LRCH1: variants seen among roughly 807,000 people sequenced by gnomAD.
LRCH1 encodes leucine rich repeats and calponin homology domain containing 1, also known as leucine-rich repeat and calponin homology domain-containing protein 1.
LRCH1 carries 23 observed loss-of-function variants against 94.9 expected under a neutral mutation model. The ratio of observed to expected loss-of-function variants is 0.24; its 90% CI spans 0.17 to 0.34. LRCH1 has a LOEUF of 0.34. Among genes scored for constraint, LRCH1 ranks in the 10% least tolerant of loss-of-function variants. The pLI, the probability that LRCH1 is intolerant of heterozygous loss-of-function variation, is 1.00. For missense variants in LRCH1, 790 were observed against 945.9 expected (o/e 0.84, Z 2.16); for synonymous variants, 364 against 354.9 (o/e 1.03, Z -0.29).
At chr13:46,647,544 C>A (rs1343341694) in intron 1 of LRCH1, among the ~76,000 whole-genome samples, 1 of 152,162 alleles carries the variant, frequency 6.6e-6, no homozygotes, top group Non-Finnish European at 1.5e-5. Context: ...AATTGTAGAA[C>A]TTTCCATCCT....
At chr13:46,673,847 C>T (rs2051635540) in intron 3 of LRCH1, among the ~76,000 whole-genome samples, 1 of 149,980 alleles carries the variant, frequency 6.7e-6, no homozygotes, top group African/African-American at 2.5e-5. Context: ...GCGGCACAAT[C>T]TCTGCTCACT....
intron 2 of LRCH1, among the ~76,000 whole-genome samples, chr13:46,655,982 G>T (rs1179954426): frequency 6.6e-6 from 1 of 152,164 alleles, no homozygotes; most frequent in Admixed American, 6.5e-5. Flanking sequence ...AGAACAGGGC[G>T]GTCTCTTGAA....
intron 1 of LRCH1, among the ~76,000 whole-genome samples, chr13:46,631,879 A>G (rs1476252310): frequency 6.6e-6 from 1 of 152,084 alleles, no homozygotes; most frequent in Non-Finnish European, 1.5e-5. Context: ...AAGTGGGAAT[A>G]ATACTCCCAT....
At chr13:46,703,239 C>T (rs1047512940) in intron 11 of LRCH1, among the ~76,000 whole-genome samples, 14 of 152,218 alleles carry the variant, frequency 9.2e-5, no homozygotes, top group Admixed American at 8.5e-4. Flanking sequence ...TTCATTATAA[C>T]GAATCAGGAA....
intron 1 of LRCH1, among the ~76,000 whole-genome samples, chr13:46,619,219 C>T (rs975105960): frequency 6.6e-6 from 1 of 151,998 alleles, no homozygotes; most frequent in Non-Finnish European, 1.5e-5. Context: ...AAGTGATTCT[C>T]ATGCTTCAGC....
intron 1 of LRCH1, among the ~76,000 whole-genome samples, chr13:46,602,121 CCTT>C (rs2050634842): frequency 6.6e-6 from 1 of 152,136 alleles, no homozygotes; most frequent in South Asian, 2.1e-4. Context: ...AGCTTGGTAA[CCTT>C]GAGGAAACCA....
At chr13:46,750,956 A>G (rs916398351) in exon 19 of LRCH1, 3 of 211,024 alleles carry the variant, frequency 1.4e-5, no homozygotes, top group African/African-American at 6.9e-5. Flanking sequence ...TGCCATTACC[A>G]AAACGCCAAG....
chr13:46,689,093 CT>C, intron 6 of LRCH1, 39 bp from the exon 7 acceptor site: 1 of 1,482,736 alleles, frequency 6.7e-7, no homozygotes, highest in Non-Finnish European at 9.3e-7. Flanking sequence ...TGATTTTAAT[CT>C]TTTTTAAATG....
chr13:46,591,757 G>A (rs900903212), intron 1 of LRCH1, among the ~76,000 whole-genome samples: 6 of 152,302 alleles, frequency 3.9e-5, no homozygotes, highest in African/African-American at 1.2e-4. Flanking sequence ...AACCAATAAT[G>A]GTGTTTTGAA....
chr13:46,565,472 A>T (rs548984614), intron 1 of LRCH1, among the ~76,000 whole-genome samples: 3 of 152,162 alleles, frequency 2.0e-5, no homozygotes, highest in East Asian at 1.9e-4. Flanking sequence ...CTGGGTTTTC[A>T]TGCTGTTTTT....
chr13:46,703,804 A>T (rs1220355719), intron 11 of LRCH1, among the ~76,000 whole-genome samples: 1 of 152,148 alleles, frequency 6.6e-6, no homozygotes, highest in African/African-American at 2.4e-5. Context: ...TCCCAATTAT[A>T]TAGATAGAAT....
At chr13:46,639,535 G>A (rs946792924) in intron 1 of LRCH1, among the ~76,000 whole-genome samples, 2 of 152,204 alleles carry the variant, frequency 1.3e-5, no homozygotes, top group Non-Finnish European at 2.9e-5. Flanking sequence ...ATAATCATGT[G>A]ATTTAGTGAA....
At chr13:46,641,926 C>A (rs907891676) in intron 1 of LRCH1, among the ~76,000 whole-genome samples, 1 of 152,166 alleles carries the variant, frequency 6.6e-6, no homozygotes, top group African/African-American at 2.4e-5. Context: ...TCTGGCTGCT[C>A]GGCTTTCATG....
chr13:46,558,600 C>CAAAAAAAAAAAAAAAAAA (rs2050094947), intron 1 of LRCH1, among the ~76,000 whole-genome samples: 1 of 63,966 alleles, frequency 1.6e-5, no homozygotes, highest in Non-Finnish European at 3.1e-5. Context: ...AAAAAAAAAG[C>CAAAAAAAAAAAAAAAAAA]TGGGTTCCTG....
intron 1 of LRCH1, among the ~76,000 whole-genome samples, chr13:46,616,420 C>G (rs984876698): frequency 6.6e-6 from 1 of 152,170 alleles, no homozygotes. Flanking sequence ...ACAGCACCCC[C>G]AACCCAGTCT....
chr13:46,655,830 T>G (rs1198344652), intron 2 of LRCH1, among the ~76,000 whole-genome samples: 1 of 152,218 alleles, frequency 6.6e-6, no homozygotes, highest in Non-Finnish European at 1.5e-5. Flanking sequence ...CTGTATAGTA[T>G]TTGATCATAT....
chr13:46,740,431 C>G (rs1873593826), intron 19 of LRCH1, among the ~76,000 whole-genome samples: 1 of 152,154 alleles, frequency 6.6e-6, no homozygotes, highest in Admixed American at 6.5e-5. Context: ...TCCTACTTAA[C>G]TGAGGGTATC....
chr13:46,749,470 G>A (rs1032609249), downstream of LRCH1, among the ~76,000 whole-genome samples: 2 of 152,110 alleles, frequency 1.3e-5, no homozygotes, highest in South Asian at 4.1e-4. Context: ...CTTGAAAATT[G>A]ATAAAAGACT....
At chr13:46,588,116 T>G (rs993692207) in intron 1 of LRCH1, among the ~76,000 whole-genome samples, 2 of 152,232 alleles carry the variant, frequency 1.3e-5, no homozygotes, top group African/African-American at 4.8e-5. Context: ...AGTTATTTGA[T>G]CTTTCCTGAC....
Sources: allele counts gnomAD v4.1 joint callset (sites outside exome capture counted in the v4.1 genomes callset), GRCh38; gene constraint gnomAD v4.1.1; transcripts MANE v1.5; gene names NCBI Gene and HGNC (gene_info 2026-07-23, HGNC 2026-07-21).